FSTL5: variants seen among roughly 807,000 people sequenced by gnomAD.
The protein encoded by FSTL5 is follistatin like 5.
Under a neutral mutation model 89.1 loss-of-function variants are expected in FSTL5, and 62 were observed. The ratio of observed to expected loss-of-function variants is 0.70; its 90% CI spans 0.57 to 0.86. The LOEUF is 0.86. Ranked by LOEUF, FSTL5 falls within the 40% of genes least tolerant of loss-of-function variation. The probability of loss-of-function intolerance (pLI) is 0.00; values close to 1 mark genes in which losing one functional copy is unlikely to be tolerated. For missense variants in FSTL5, 1,057 were observed against 1,001.6 expected, an observed-to-expected ratio of 1.06 and a Z score of -0.75; for synonymous variants, 383 against 346.2, an observed-to-expected ratio of 1.11 and a Z score of -1.18.
chr4:162,099,712 T>C (rs1319838777), intron 2 of FSTL5, among the ~76,000 whole-genome samples: 1 of 152,092 alleles, frequency 6.6e-6, no homozygotes, highest in Non-Finnish European at 1.5e-5. Context: ...ACAATGAACA[T>C]GAAAAACACA....
chr4:162,108,558 A>T (rs78199425), intron 2 of FSTL5, among the ~76,000 whole-genome samples: 1 of 151,820 alleles, frequency 6.6e-6, no homozygotes, highest in Non-Finnish European at 1.5e-5. Context: ...ACATTAGCAA[A>T]ATATAATCTA....
rs977466536 is a variant in FSTL5, at chr4:161,874,688, T to A, written c.409+45716A>T. Among the ~76,000 whole-genome samples the A allele has an allele frequency of 2.6e-5, 4 of 152,090 alleles. No individual in the cohort carries two copies. In the South Asian group the frequency reaches 6.2e-4, roughly 24 times the overall value. ...TGGGGTATACGTTTGAGTTGATGAA[T>A]CTTCTTTTCGGCTGCGTTTAAACTG... is the stretch of plus-strand genomic sequence containing the variant. On this transcript the variant is annotated intron_variant, in intron 4 of 15. Coordinates refer to ENST00000306100, the MANE Select transcript of FSTL5 (RefSeq NM_020116.5).
At chr4:161,787,881 G>C (rs1183918349) in intron 4 of FSTL5, among the ~76,000 whole-genome samples, 1 of 152,140 alleles carries the variant, frequency 6.6e-6, no homozygotes, top group Non-Finnish European at 1.5e-5. Flanking sequence ...ATGAATAGTT[G>C]CTTTTTCATT....
chr4:162,094,655 A>C (rs1730678498), intron 2 of FSTL5, among the ~76,000 whole-genome samples: 1 of 152,172 alleles, frequency 6.6e-6, no homozygotes, highest in South Asian at 2.1e-4. Context: ...CATTTATATA[A>C]ATTTCAAAGG....
At chr4:161,888,822 T>G (rs1001401260) in intron 4 of FSTL5, among the ~76,000 whole-genome samples, 1 of 152,066 alleles carries the variant, frequency 6.6e-6, no homozygotes, top group Non-Finnish European at 1.5e-5. Flanking sequence ...TTATTAAATT[T>G]AAAATAAATA....
intron 7 of FSTL5, among the ~76,000 whole-genome samples, chr4:161,641,403 A>G (rs1298322603): frequency 6.7e-6 from 1 of 149,478 alleles, no homozygotes; most frequent in African/African-American, 2.5e-5. Context: ...ATGTAATTTT[A>G]TGACATCAAC....
intron 1 of FSTL5, among the ~76,000 whole-genome samples, chr4:162,153,806 T>C (rs1231209618): frequency 7.1e-6 from 1 of 140,010 alleles, no homozygotes; most frequent in African/African-American, 2.7e-5. Context: ...TGTATATATA[T>C]ATATTTATAT....
Position 161,753,735 on chromosome 4 carries a change from A to T in FSTL5, c.727+5676T>A, listed in dbSNP as rs1278236486. Among the ~76,000 whole-genome samples, 3 of 152,114 alleles carry T rather than the reference A, an allele frequency of 2.0e-5. No homozygotes were observed. In the East Asian group the frequency reaches 5.8e-4, roughly 29 times the overall value. On this transcript the variant is annotated intron_variant, in intron 6 of 15. Coordinates refer to ENST00000306100, the MANE Select transcript of FSTL5 (RefSeq NM_020116.5). Reference sequence around the variant, plus strand: ...ATTTTCCTCATAATGTCATTAACAAATCTATATTGCATTAAGAACTGTTTC... The same window carrying T: ...ATTTTCCTCATAATGTCATTAACAATTCTATATTGCATTAAGAACTGTTTC...
intron 4 of FSTL5, among the ~76,000 whole-genome samples, chr4:161,808,292 C>A (rs1406378734): frequency 6.6e-6 from 1 of 151,782 alleles, no homozygotes; most frequent in Non-Finnish European, 1.5e-5. Context: ...ATAGAATTAC[C>A]ATAAGATCCA....
chr4:162,118,227 A>G (rs1731720437), intron 1 of FSTL5, among the ~76,000 whole-genome samples: 1 of 151,490 alleles, frequency 6.6e-6, no homozygotes, highest in Admixed American at 6.6e-5. Flanking sequence ...GTTGAATTCT[A>G]ATTTAATATT....
intron 3 of FSTL5, among the ~76,000 whole-genome samples, chr4:161,981,406 T>C (rs1320002372): frequency 2.0e-5 from 3 of 152,180 alleles, no homozygotes; most frequent in African/African-American, 7.2e-5. Context: ...TTCCAGGGAT[T>C]ATCTAGCAAA....
intron 7 of FSTL5, among the ~76,000 whole-genome samples, chr4:161,621,054 T>G (rs963078907): frequency 6.6e-6 from 1 of 152,114 alleles, no homozygotes; most frequent in Non-Finnish European, 1.5e-5. Context: ...GTTTGACCAG[T>G]ATACTCCAAA....
intron 4 of FSTL5, among the ~76,000 whole-genome samples, chr4:161,814,312 C>G (rs1220868972): frequency 1.3e-5 from 2 of 152,132 alleles, no homozygotes; most frequent in Non-Finnish European, 2.9e-5. Context: ...AAATAAATTT[C>G]TTCAACTAAA....
chr4:161,466,724 A>G (rs1210720562), intron 13 of FSTL5, among the ~76,000 whole-genome samples: 1 of 152,148 alleles, frequency 6.6e-6, no homozygotes, highest in Non-Finnish European at 1.5e-5. Flanking sequence ...AAAAGCAATA[A>G]TTGAAACAAT....
chr4:161,784,842 C>T (rs2126813823), intron 4 of FSTL5, among the ~76,000 whole-genome samples: 1 of 145,166 alleles, frequency 6.9e-6, no homozygotes, highest in East Asian at 2.1e-4. Context: ...TGCAGTGAGC[C>T]AAGATCGCGC....
chr4:161,887,392 C>CATCTATCTATCT (rs60103951), intron 4 of FSTL5, among the ~76,000 whole-genome samples: 4,743 of 133,082 alleles, frequency 0.036, 126 homozygotes, highest in East Asian at 0.12. Flanking sequence ...CTCTATCTAT[C>CATCTATCTATCT]ATCTATCTAT....
chr4:161,509,575 G>C (rs1730590107), intron 11 of FSTL5, among the ~76,000 whole-genome samples: 1 of 152,054 alleles, frequency 6.6e-6, no homozygotes, highest in Admixed American at 6.6e-5. Context: ...ATTACTTGAG[G>C]CTTTGAGACT....
At chr4:161,791,298 C>T (rs1294444570) in intron 4 of FSTL5, among the ~76,000 whole-genome samples, 1 of 152,036 alleles carries the variant, frequency 6.6e-6, no homozygotes, top group African/African-American at 2.4e-5. Context: ...AAGGAATAAA[C>T]TTGTTTCACA....
At chr4:162,091,916 T>A (rs1373324843) in intron 2 of FSTL5, among the ~76,000 whole-genome samples, 1 of 151,288 alleles carries the variant, frequency 6.6e-6, no homozygotes, top group Non-Finnish European at 1.5e-5. Flanking sequence ...ATAGAATATA[T>A]GTATATTTTA....
Sources: gnomAD v4.1 joint callset for allele counts (sites outside exome capture counted in the v4.1 genomes callset) on GRCh38, gnomAD v4.1.1 for gene constraint, MANE v1.5 for transcripts, NCBI Gene and HGNC (gene_info 2026-07-23, HGNC 2026-07-21) for gene names.